RBM33: variants seen among roughly 807,000 people sequenced by gnomAD.
RBM33 encodes the protein RNA binding motif protein 33.
A neutral mutation model predicts 132.6 loss-of-function variants in RBM33; 28 were observed. That is an observed-to-expected ratio of 0.21 (90% CI 0.16 to 0.29). The LOEUF is 0.29. RBM33 is among the 10% of genes least tolerant of loss of function. The pLI, the probability that RBM33 is intolerant of heterozygous loss-of-function variation, is 1.00. For synonymous variants in RBM33, 634 were observed against 593.0 expected, an observed-to-expected ratio of 1.07 and a Z score of -1.01; for missense variants, 1,291 against 1,518.5, an observed-to-expected ratio of 0.85 and a Z score of 2.49.
chr7:155,666,051 T>C (rs529418868), intron 2 of RBM33, among the ~76,000 whole-genome samples: 5 of 152,216 alleles, frequency 3.3e-5, no homozygotes, highest in African/African-American at 7.2e-5. Flanking sequence ...ATAAAGCTGA[T>C]TGCTCTTTAG....
intron 14 of RBM33, among the ~76,000 whole-genome samples, chr7:155,751,561 A>G (rs1028127613): frequency 1.3e-5 from 2 of 152,204 alleles, no homozygotes; most frequent in Admixed American, 1.3e-4. Context: ...TTGAAAGAGC[A>G]GAGGGAATGC....
At chr7:155,727,249 A>G (rs1020152824) in intron 9 of RBM33, among the ~76,000 whole-genome samples, 1 of 152,188 alleles carries the variant, frequency 6.6e-6, no homozygotes, top group African/African-American at 2.4e-5. Context: ...CAGCTGAGGT[A>G]TCCCCCAGGG....
rs370711276 is a variant in RBM33 at position 155,660,139 on chromosome 7, A to G, written c.44-5036A>G. ...GGCTAGACTACAGTGAGTCAGTCAT[A>G]GCTGACTGACTACACCCTCTGCCTC... On this transcript the variant is annotated intron_variant, in intron 1 of 17. Transcript: ENST00000401878. Among the ~76,000 whole-genome samples, 10 of 152,348 alleles carry G rather than the reference A, an allele frequency of 6.6e-5. No homozygotes were observed. In the East Asian group the frequency reaches 1.5e-3, roughly 24 times the overall value.
At chr7:155,702,389 C>G (rs1395705739) in intron 6 of RBM33, among the ~76,000 whole-genome samples, 1 of 152,118 alleles carries the variant, frequency 6.6e-6, no homozygotes, top group Non-Finnish European at 1.5e-5. Flanking sequence ...TACTACTACT[C>G]CATCTTGTGG....
intron 5 of RBM33, among the ~76,000 whole-genome samples, chr7:155,687,558 A>G (rs201333203): frequency 0.64 from 97,742 of 151,770 alleles, 32,376 homozygotes; most frequent in South Asian, 0.77. Context: ...GCCCATGCCT[A>G]TGTCCTGAAT....
chr7:155,759,147 G>A (rs1801945833), intron 14 of RBM33, among the ~76,000 whole-genome samples: 1 of 152,176 alleles, frequency 6.6e-6, no homozygotes, highest in African/African-American at 2.4e-5. Context: ...TACAAGATCT[G>A]CATAAGGAAA....
chr7:155,734,647 C>G (rs149243596), intron 9 of RBM33, among the ~76,000 whole-genome samples: 2 of 152,186 alleles, frequency 1.3e-5, no homozygotes, highest in Non-Finnish European at 2.9e-5. Flanking sequence ...TCTAATGAAT[C>G]TTACTGGTTC....
At chr7:155,684,357 G>A (rs1045326876) in intron 5 of RBM33, among the ~76,000 whole-genome samples, 3 of 152,136 alleles carry the variant, frequency 2.0e-5, no homozygotes, top group African/African-American at 7.2e-5. Flanking sequence ...AGTTGCGGTC[G>A]TCTCCAGCCA....
intron 1 of RBM33, among the ~76,000 whole-genome samples, chr7:155,648,286 A>G (rs1219621492): frequency 1.3e-5 from 2 of 152,216 alleles, no homozygotes; most frequent in East Asian, 3.8e-4. Context: ...GGGATGAGTT[A>G]AGACTTTAGA....
intron 9 of RBM33, among the ~76,000 whole-genome samples, chr7:155,731,047 A>G (rs1800940607): frequency 6.6e-6 from 1 of 152,234 alleles, no homozygotes; most frequent in Non-Finnish European, 1.5e-5. Flanking sequence ...AAAGGATGAA[A>G]GAGCTAAAGA....
chr7:155,724,990 T>TTTTTTTTTTG (rs71186056), intron 9 of RBM33, among the ~76,000 whole-genome samples: 75 of 123,366 alleles, frequency 6.1e-4, no homozygotes, highest in African/African-American at 2.4e-3. Context: ...GTGTACAGGT[T>TTTTTTTTTTG]TGTGTGTGTG....
chr7:155,741,695 T>A lies in RBM33; in HGVS notation c.2050-124T>A, dbSNP rs1276576829. ...AAAAGTATGAGAAAAAAGTATCTGC[T>A]CCCCAAAAGAAGTCATTTACTAATT... is the stretch of plus-strand genomic sequence containing the variant. On this transcript the variant is annotated intron_variant, in intron 12 of 17. Transcript: ENST00000401878. 7 of 900,052 alleles carry A rather than the reference T, an allele frequency of 7.8e-6. No homozygotes were observed. The East Asian group carries it at 1.6e-4, about 20-fold the overall frequency. The allele number at this position is 900,052 out of a possible 1,614,324, so 55.8% of individuals were successfully genotyped here.
intron 6 of RBM33, among the ~76,000 whole-genome samples, chr7:155,703,933 T>G (rs1800037448): frequency 6.6e-6 from 1 of 152,174 alleles, no homozygotes; most frequent in Non-Finnish European, 1.5e-5. Context: ...ACCTGTTGTC[T>G]TATATGAGGT....
chr7:155,725,102 C>T (rs1433756996), intron 9 of RBM33, among the ~76,000 whole-genome samples: 1 of 149,014 alleles, frequency 6.7e-6, no homozygotes, highest in Non-Finnish European at 1.5e-5. Context: ...GATGATAGTG[C>T]ATTCACAGAT....
intron 8 of RBM33, among the ~76,000 whole-genome samples, chr7:155,715,842 T>G (rs1004929618): frequency 2.6e-5 from 4 of 152,206 alleles, no homozygotes; most frequent in Admixed American, 2.6e-4. Flanking sequence ...GATACACAGA[T>G]TAAACCTTTG....
At position 155,678,700 on chromosome 7, in the gene RBM33, T is replaced by A. The variant is rs1563140362; in HGVS notation, c.248+16T>A. 2.4e-6 allele frequency: 3 copies of A among 1,273,480 alleles called. No individual in the cohort carries two copies. Among genetic ancestry groups the A allele is most frequent in the Non-Finnish European group, 3.3e-6 (3 of 897,904 alleles). 78.9% of individuals were successfully genotyped at this position (1,273,480 alleles called of 1,614,324 possible). Reference sequence around the variant, plus strand: ...AAAATTTCAGGTACTCAATATTACCTCATTATAAATGTTCTTTATTTAACT... The same window carrying A: ...AAAATTTCAGGTACTCAATATTACCACATTATAAATGTTCTTTATTTAACT... On this transcript the variant is annotated intron_variant, in intron 4 of 17. Transcript: ENST00000401878.
At chr7:155,756,342 G>A (rs1322316125) in intron 14 of RBM33, among the ~76,000 whole-genome samples, 1 of 152,062 alleles carries the variant, frequency 6.6e-6, no homozygotes, top group Non-Finnish European at 1.5e-5. Context: ...AATTTGGCTT[G>A]GTTCTTATTC....
At chr7:155,751,775 T>C (rs551080344) in intron 14 of RBM33, among the ~76,000 whole-genome samples, 2 of 145,484 alleles carry the variant, frequency 1.4e-5, no homozygotes, top group African/African-American at 5.3e-5. Context: ...TGTTACAGTT[T>C]TACCCTTTGT....
At chr7:155,706,290 G>A (rs1276077507) in intron 6 of RBM33, among the ~76,000 whole-genome samples, 3 of 152,264 alleles carry the variant, frequency 2.0e-5, no homozygotes, top group Middle Eastern at 3.4e-3. Flanking sequence ...TCGGGAGTTC[G>A]GGACCAGCCT....
Sources: gnomAD v4.1 joint callset for allele counts (sites outside exome capture counted in the v4.1 genomes callset) on GRCh38, gnomAD v4.1.1 for gene constraint, MANE v1.5 for transcripts, NCBI Gene and HGNC (gene_info 2026-07-23, HGNC 2026-07-21) for gene names.